The following PIK3C2G variants were observed in gnomAD, a reference collection of about 807,000 sequenced individuals.
PIK3C2G encodes phosphatidylinositol-4-phosphate 3-kinase catalytic subunit type 2 gamma, also known as phosphatidylinositol 3-kinase C2 domain-containing subunit gamma.
PIK3C2G carries 168 observed loss-of-function variants against 181.1 expected under a neutral mutation model. The observed-to-expected ratio is 0.93, with a 90% confidence interval of 0.82 to 1.05. The LOEUF (loss-of-function observed/expected upper bound fraction) is 1.05, where lower values mean the gene tolerates loss of function less well. Among genes scored for constraint, PIK3C2G ranks in the 50% least tolerant of loss-of-function variants. The pLI, the probability that PIK3C2G is intolerant of heterozygous loss-of-function variation, is 0.00. For synonymous variants in PIK3C2G, 573 were observed against 592.2 expected (o/e 0.97, Z 0.47); for missense variants, 1,869 against 1,732.8 (o/e 1.08, Z -1.40).
chr12:18,574,270 T>TG (rs1365699773), intron 29 of PIK3C2G, among the ~76,000 whole-genome samples: 4 of 152,206 alleles, frequency 2.6e-5, no homozygotes, highest in African/African-American at 9.6e-5. Context: ...CGTTTTGATG[T>TG]AAGAGTGAAG....
At chr12:18,660,359 C>A in the PIK3C2G span, among the ~76,000 whole-genome samples, 14 of 152,106 alleles carry the variant, frequency 9.2e-5, no homozygotes, top group African/African-American at 2.9e-4. Flanking sequence ...GAGACACAGA[C>A]AAAGGTGGGA....
chr12:18,405,068 T>G (rs1944442991), intron 16 of PIK3C2G, among the ~76,000 whole-genome samples: 1 of 152,124 alleles, frequency 6.6e-6, no homozygotes, highest in South Asian at 2.1e-4. Context: ...CCTGGGAAAC[T>G]TGATAGATAA....
intron 1 of PIK3C2G, among the ~76,000 whole-genome samples, chr12:18,267,185 C>A (rs921982981): frequency 1.3e-5 from 2 of 152,104 alleles, no homozygotes; most frequent in Non-Finnish European, 2.9e-5. Context: ...TCTGATGTAT[C>A]AATTCTGCTT....
intron 11 of PIK3C2G, among the ~76,000 whole-genome samples, chr12:18,348,634 A>G (rs1939915235): frequency 6.6e-6 from 1 of 152,204 alleles, no homozygotes; most frequent in Non-Finnish European, 1.5e-5. Context: ...TAAGGAATCC[A>G]TGGACCAGTC....
At chr12:18,412,874 C>T (rs1944946358) in intron 16 of PIK3C2G, among the ~76,000 whole-genome samples, 1 of 152,132 alleles carries the variant, frequency 6.6e-6, no homozygotes, top group Admixed American at 6.5e-5. Context: ...TGGTGCTCTT[C>T]CTTCCCTGCA....
chr12:18,663,762 T>C, the PIK3C2G span, among the ~76,000 whole-genome samples: 1 of 151,786 alleles, frequency 6.6e-6, no homozygotes, highest in Non-Finnish European at 1.5e-5. Context: ...TTCATGAAAA[T>C]TGAAAAATGT....
chr12:18,416,251 A>AAAAAG (rs151162608), intron 16 of PIK3C2G, among the ~76,000 whole-genome samples: 16,798 of 151,490 alleles, frequency 0.11, 1,266 homozygotes, highest in Admixed American at 0.26. Context: ...TCTCAAAAAG[A>AAAAAG]AAAAGAAAAG....
At chr12:18,442,442 A>G (rs769998128) in intron 18 of PIK3C2G, among the ~76,000 whole-genome samples, 1 of 152,242 alleles carries the variant, frequency 6.6e-6, no homozygotes, top group Non-Finnish European at 1.5e-5. Context: ...CAATAATGGC[A>G]TGATAATTAC....
the PIK3C2G span, among the ~76,000 whole-genome samples, chr12:18,726,579 C>A: frequency 2.0e-5 from 3 of 152,040 alleles, no homozygotes; most frequent in Non-Finnish European, 4.4e-5. Flanking sequence ...CAAAATAATT[C>A]TATTGATTGT....
At chr12:18,721,159 A>G in the PIK3C2G span, among the ~76,000 whole-genome samples, 1 of 152,094 alleles carries the variant, frequency 6.6e-6, no homozygotes, top group East Asian at 1.9e-4. Context: ...GAACTACTGA[A>G]TAATTAAATA....
At chr12:18,551,207 A>G (rs1944711578) in intron 26 of PIK3C2G, among the ~76,000 whole-genome samples, 1 of 152,114 alleles carries the variant, frequency 6.6e-6, no homozygotes, top group African/African-American at 2.4e-5. Flanking sequence ...GCTGTTGAAT[A>G]GAATCAAGAA....
intron 1 of PIK3C2G, among the ~76,000 whole-genome samples, chr12:18,253,265 C>A (rs1298286348): frequency 8.1e-6 from 1 of 123,362 alleles, no homozygotes; most frequent in Non-Finnish European, 1.8e-5. Context: ...ATAAATAAGT[C>A]GATAAATTAA....
intron 24 of PIK3C2G, among the ~76,000 whole-genome samples, chr12:18,528,917 A>G (rs1028852211): frequency 6.6e-6 from 1 of 152,206 alleles, no homozygotes; most frequent in Non-Finnish European, 1.5e-5. Flanking sequence ...CACTAGCTGC[A>G]TTAATTCTTA....
rs140503626 is a variant in PIK3C2G at position 18,574,147 on chromosome 12, G to A, written c.4011+7090G>A. ...GATGAATGCTACATTTCATAGGGAG[G>A]CACCAAACTAACAGAATATTCTAGA... On this transcript the variant is annotated intron_variant, in intron 29 of 32. Transcript: ENST00000538779. 2.1e-4 allele frequency among the ~76,000 whole-genome samples: 32 copies of A among 152,098 alleles called. 1 individual carries two copies. The highest frequency in any genetic ancestry group is 2.8e-4 in the Non-Finnish European group (19 of 68,020).
Position 18,371,196 on chromosome 12 carries a change from G to C in PIK3C2G, c.1765G>C (p.Glu589Gln), listed in dbSNP as rs768619948. The C allele has an allele frequency of 8.1e-6, 13 of 1,608,592 alleles. No individual in the cohort carries two copies. The highest frequency in any genetic ancestry group is 2.5e-6 in the Non-Finnish European group (3 of 1,177,168). ...TATTCTCAGGATCAATTTTCCCCTT[G>C]AAATAAAGTCACTTCCAAGGGAATC... is the stretch of plus-strand genomic sequence containing the variant. ...NWNETINFPL[E>Q]IKSLPRESML... Residue 589 changes from glutamate (E) to glutamine (Q), a missense_variant, in exon 13 of 33, where the codon GAA becomes CAA. Glu to Gln is a conservative substitution (Grantham distance 29). Coordinates refer to ENST00000538779, the MANE Select transcript of PIK3C2G (RefSeq NM_001288772.2).
At chr12:18,259,864 TTG>T (rs577283409), upstream of PIK3C2G, among the ~76,000 whole-genome samples, 14 of 152,174 alleles carry the variant, frequency 9.2e-5, no homozygotes, top group South Asian at 2.9e-3. Context: ...ACAGAAGGCT[TTG>T]TGTGTTTAAA....
In PIK3C2G at chr12:18,509,212, A is replaced by T. The variant is rs543604366; in HGVS notation, c.3323+3751A>T. Among the ~76,000 whole-genome samples, 5 of 151,656 alleles carry T rather than the reference A, an allele frequency of 3.3e-5. No homozygotes were observed. In the South Asian group the frequency reaches 1.0e-3, roughly 32 times the overall value. On this transcript the variant is annotated intron_variant, in intron 24 of 32. Transcript: ENST00000538779. ...AATTACATGCCACCACGCCTGGCTA[A>T]TTTTTTTTGTATTTTAGTAGAGACA...
At chr12:18,362,630 AT>A (rs1941340829) in intron 11 of PIK3C2G, 133 bp from the exon 12 acceptor site, 1 of 636,630 alleles carries the variant, frequency 1.6e-6, no homozygotes. Flanking sequence ...TCTTAAAGCA[AT>A]TTTTAAAGCA....
the PIK3C2G span, chr12:18,696,322 C>CTATATATATATATATATA: frequency 7.2e-3 from 1,918 of 267,186 alleles, 127 homozygotes; most frequent in African/African-American, 0.028. Flanking sequence ...TAAAAAGCCA[C>CTATATATATATATATATA]TATATATATA....
Sources: allele counts gnomAD v4.1 joint callset (sites outside exome capture counted in the v4.1 genomes callset), GRCh38; gene constraint gnomAD v4.1.1; transcripts MANE v1.5; gene names NCBI Gene and HGNC (gene_info 2026-07-23, HGNC 2026-07-21).